ZDHHC20: variants seen among roughly 807,000 people sequenced by gnomAD.
The protein encoded by ZDHHC20 is zDHHC palmitoyltransferase 20.
ZDHHC20 carries 43 observed loss-of-function variants against 57.8 expected under a neutral mutation model. The observed-to-expected ratio is 0.74, with a 90% CI of 0.58 to 0.96. The LOEUF is 0.96. Ranked by LOEUF, ZDHHC20 falls within the 40% of genes least tolerant of loss-of-function variation. The pLI is 0.00. For synonymous variants in ZDHHC20, 157 were observed against 153.0 expected, an observed-to-expected ratio of 1.03 and a Z score of -0.19; for missense variants, 391 against 441.1, an observed-to-expected ratio of 0.89 and a Z score of 1.02.
intron 1 of ZDHHC20, among the ~76,000 whole-genome samples, chr13:21,436,647 T>C (rs1270096416): frequency 6.6e-6 from 1 of 152,182 alleles, no homozygotes; most frequent in Non-Finnish European, 1.5e-5. Flanking sequence ...TTCCTCTATC[T>C]CTCTCCGTCT....
chr13:21,424,899 T>C (rs1279339956), intron 2 of ZDHHC20, among the ~76,000 whole-genome samples: 1 of 152,208 alleles, frequency 6.6e-6, no homozygotes, highest in Non-Finnish European at 1.5e-5. Flanking sequence ...GCGTTTATTC[T>C]GTTACTGACA....
chr13:21,401,049 G>A (rs989442769), intron 6 of ZDHHC20, among the ~76,000 whole-genome samples: 8 of 152,072 alleles, frequency 5.3e-5, no homozygotes, highest in East Asian at 1.9e-4. Flanking sequence ...AGGCCAAGGC[G>A]GGTGGACTGC....
At chr13:21,394,558 T>C (rs893909267) in intron 7 of ZDHHC20, among the ~76,000 whole-genome samples, 2 of 152,232 alleles carry the variant, frequency 1.3e-5, no homozygotes, top group Non-Finnish European at 2.9e-5. Context: ...ACTAAATACA[T>C]ATTTATTGAA....
At chr13:21,422,418 T>TAAAATAAAATAATAATTTCAAAAAA (rs1880745068) in intron 2 of ZDHHC20, among the ~76,000 whole-genome samples, 1 of 152,142 alleles carries the variant, frequency 6.6e-6, no homozygotes, top group South Asian at 2.1e-4. Context: ...TCAAATAAAA[T>TAAAATAAAATAATAATTTCAAAAAA]AATAATAATA....
At chr13:21,397,797 G>A (rs992584832) in intron 7 of ZDHHC20, among the ~76,000 whole-genome samples, 12 of 152,204 alleles carry the variant, frequency 7.9e-5, no homozygotes, top group Middle Eastern at 3.4e-3. Flanking sequence ...CCAGTAGCTA[G>A]CAAGCATATC....
chr13:21,449,847 G>T (rs1222038947), intron 1 of ZDHHC20, among the ~76,000 whole-genome samples: 1 of 151,918 alleles, frequency 6.6e-6, no homozygotes, highest in African/African-American at 2.4e-5. Flanking sequence ...GATGAAGCTG[G>T]TCTCGAACTC....
At position 21,373,283 on chromosome 13, in the gene ZDHHC20, T is replaced by C. The variant is rs914133578; in HGVS notation, c.*3413A>G. The C allele has an allele frequency of 5.9e-5, 9 of 152,198 alleles. No individual in the cohort carries two copies. Among genetic ancestry groups the C allele is most frequent in the Non-Finnish European group, 1.0e-4 (7 of 68,024 alleles). 9.4% of individuals were successfully genotyped at this position (152,198 alleles called of 1,614,324 possible). On this transcript the variant is annotated 3_prime_UTR_variant, in exon 13 of 13. Transcript: ENST00000400590. ...TAAATCTAAGCCCTTAATATACATC[T>C]ACTTTAAAGATAACTGAAAGATCTC...
intron 1 of ZDHHC20, among the ~76,000 whole-genome samples, chr13:21,448,374 T>A (rs1164679460): frequency 1.4e-5 from 1 of 71,916 alleles, no homozygotes; most frequent in East Asian, 3.5e-4. Context: ...AGGTGGGGGG[T>A]CAGCCCCCCG....
At chr13:21,456,349 G>T (rs1483587828) in intron 1 of ZDHHC20, among the ~76,000 whole-genome samples, 1 of 152,184 alleles carries the variant, frequency 6.6e-6, no homozygotes, top group Admixed American at 6.5e-5. Flanking sequence ...GGCAGAGGTT[G>T]CAGTGAGCCA....
At chr13:21,440,640 G>A (rs7994479) in intron 1 of ZDHHC20, among the ~76,000 whole-genome samples, 90,404 of 151,668 alleles carry the variant, frequency 0.6, 27,729 homozygotes, top group Non-Finnish European at 0.68. Flanking sequence ...GTGTGTGTGT[G>A]TGTGTGTGTA....
chr13:21,416,047 A>T (rs1339084097), intron 3 of ZDHHC20, among the ~76,000 whole-genome samples: 1 of 151,972 alleles, frequency 6.6e-6, no homozygotes, highest in East Asian at 1.9e-4. Flanking sequence ...ACTAAAAAAA[A>T]TACAAAAATT....
chr13:21,400,225 T>G, intron 7 of ZDHHC20, 148 bp downstream of exon 7: 1 of 667,116 alleles, frequency 1.5e-6, no homozygotes, highest in Non-Finnish European at 2.3e-6. Context: ...AAGTAAATTG[T>G]AGCCCTATCT....
At chr13:21,438,295 TTCA>T (rs1882763870) in intron 1 of ZDHHC20, among the ~76,000 whole-genome samples, 1 of 152,336 alleles carries the variant, frequency 6.6e-6, no homozygotes, top group South Asian at 2.1e-4. Flanking sequence ...CTGGAAAGGA[TTCA>T]TCATTTCTAG....
At position 21,374,959 on chromosome 13, in the gene ZDHHC20, C is replaced by T; in HGVS notation, c.*1737G>A. Reference sequence around the variant, plus strand: ...GATCAGCCTGGTCAACATGGTGAAACCTCGTCTCTTCTAAAAATGTGAAAA... The same window carrying T: ...GATCAGCCTGGTCAACATGGTGAAATCTCGTCTCTTCTAAAAATGTGAAAA... On this transcript the variant is annotated 3_prime_UTR_variant, in exon 13 of 13. Transcript: ENST00000400590. The T allele has an allele frequency of 2.8e-6, 1 of 360,104 alleles. No homozygotes were observed. Among genetic ancestry groups the T allele is most frequent in the Non-Finnish European group, 5.4e-6 (1 of 184,242 alleles). The allele number at this position is 360,104 out of a possible 1,614,324, so 22.3% of individuals were successfully genotyped here.
chr13:21,396,618 A>G (rs1037232948), intron 7 of ZDHHC20, among the ~76,000 whole-genome samples: 1 of 152,208 alleles, frequency 6.6e-6, no homozygotes, highest in Non-Finnish European at 1.5e-5. Context: ...GGATCACCTA[A>G]GGTCAGGAGT....
rs141566153 is a variant in ZDHHC20 at position 21,424,152 on chromosome 13, G to A, written c.145+1500C>T. 4.5e-3 allele frequency among the ~76,000 whole-genome samples: 687 copies of A among 152,198 alleles called. 7 individuals carry two copies. The highest frequency in any genetic ancestry group is 0.016 in the African/African-American group (653 of 41,524). ...AGATGTTATCATTAACTTATAATGAGTAAAGAGTAACAGAAAACAATGCTT... is the reference window on the plus strand; with the variant it reads ...AGATGTTATCATTAACTTATAATGAATAAAGAGTAACAGAAAACAATGCTT... On this transcript the variant is annotated intron_variant, in intron 2 of 12. Coordinates refer to ENST00000400590, the MANE Select transcript of ZDHHC20 (RefSeq NM_001330059.2).
chr13:21,405,655 C>T (rs1443816703), intron 4 of ZDHHC20, among the ~76,000 whole-genome samples: 1 of 152,102 alleles, frequency 6.6e-6, no homozygotes, highest in Non-Finnish European at 1.5e-5. Flanking sequence ...CTTCCTTTTC[C>T]ACTACTGGGA....
chr13:21,396,403 G>A (rs1235509997), intron 7 of ZDHHC20, among the ~76,000 whole-genome samples: 2 of 151,722 alleles, frequency 1.3e-5, no homozygotes, highest in Admixed American at 1.3e-4. Flanking sequence ...AGTGCCAGAG[G>A]AAAAAAATAG....
intron 3 of ZDHHC20, among the ~76,000 whole-genome samples, chr13:21,418,026 C>T (rs1234012409): frequency 1.3e-5 from 2 of 152,148 alleles, no homozygotes; most frequent in Non-Finnish European, 2.9e-5. Flanking sequence ...GTCTCTAGAG[C>T]TTAGCTTAGC....
Sources: gnomAD v4.1 joint callset for allele counts (sites outside exome capture counted in the v4.1 genomes callset) on GRCh38, gnomAD v4.1.1 for gene constraint, MANE v1.5 for transcripts, NCBI Gene and HGNC (gene_info 2026-07-23, HGNC 2026-07-21) for gene names.